The following ZKSCAN2 variants were observed in gnomAD, a reference collection of about 807,000 sequenced individuals.
ZKSCAN2 encodes zinc finger protein with KRAB and SCAN domains 2.
Under a neutral mutation model 90.5 loss-of-function variants are expected in ZKSCAN2, and 38 were observed. The ratio of observed to expected loss-of-function variants is 0.42; its 90% CI spans 0.32 to 0.55. ZKSCAN2 has a LOEUF of 0.55. Among genes scored for constraint, ZKSCAN2 ranks in the 20% least tolerant of loss-of-function variants. ZKSCAN2 has a pLI of 0.11. For synonymous variants in ZKSCAN2, 429 were observed against 421.6 expected (o/e 1.02, Z -0.22); for missense variants, 1,167 against 1,202.6 (o/e 0.97, Z 0.44).
Position 25,250,435 on chromosome 16 carries a change from A to G in ZKSCAN2, c.805+1474T>C, listed in dbSNP as rs79040213. ...ATGTGGCATCTAAAATGCTGAACTT[A>G]GAGAAAGTGAGAAGAGAACAGTGGT... On this transcript the variant is annotated intron_variant, in intron 4 of 6. Transcript: ENST00000328086. 9.0e-3 allele frequency among the ~76,000 whole-genome samples: 1,371 copies of G among 152,346 alleles called. 21 individuals carry two copies. The highest frequency in any genetic ancestry group is 0.032 in the African/African-American group (1,322 of 41,576).
At chr16:25,247,780 C>T (rs1245417662) in intron 4 of ZKSCAN2, among the ~76,000 whole-genome samples, 2 of 152,082 alleles carry the variant, frequency 1.3e-5, no homozygotes, top group African/African-American at 4.8e-5. Flanking sequence ...CCCCAACATA[C>T]ATAACATACA....
rs1216555296 is a variant in ZKSCAN2 at position 25,239,799 on chromosome 16, G to T, written c.*17C>A. The stretch of plus-strand genomic sequence containing the variant: ...GGTAAAATGGCTAAGGGGGCATTTA[G>T]GAAGAGAAGATCATCATCAAAAAGT... On this transcript the variant is annotated 3_prime_UTR_variant, in exon 7 of 7. Coordinates refer to ENST00000328086, the MANE Select transcript of ZKSCAN2 (RefSeq NM_001012981.5). The T allele has an allele frequency of 3.9e-6, 6 of 1,554,324 alleles. No individual in the cohort carries two copies. In the South Asian group the frequency reaches 7.4e-5, roughly 19 times the overall value.
rs1032184367 is a variant in ZKSCAN2 at position 25,238,640 on chromosome 16, T to G, written c.*1176A>C. The G allele has an allele frequency of 1.3e-5, 2 of 152,106 alleles. No homozygotes were observed. The highest frequency in any genetic ancestry group is 4.8e-5 in the African/African-American group (2 of 41,416). The allele number at this position is 152,106 out of a possible 1,614,324, so 9.4% of individuals were successfully genotyped here. A position where few individuals can be genotyped will look rare whatever the true frequency, so the allele number is the denominator to read the frequency against. On this transcript the variant is annotated 3_prime_UTR_variant, in exon 7 of 7. Transcript: ENST00000328086. Reference sequence around the variant, plus strand: ...AGTTACTTGGCACACTACAGTTAGGTTTCTGATGCGGTGAACAGGGACTAG... The same window carrying G: ...AGTTACTTGGCACACTACAGTTAGGGTTCTGATGCGGTGAACAGGGACTAG...
intron 4 of ZKSCAN2, among the ~76,000 whole-genome samples, 176 bp from the exon 5 acceptor site, chr16:25,247,566 C>A (rs144086349): frequency 6.6e-6 from 1 of 152,190 alleles, no homozygotes; most frequent in African/African-American, 2.4e-5. Flanking sequence ...CTAACTTACA[C>A]GATCATTTTA....
Position 25,244,028 on chromosome 16 carries a change from C to G in ZKSCAN2, c.1738G>C (p.Asp580His), listed in dbSNP as rs1188288976. The change falls in exon 6 of 7, where the codon GAT (aspartate) becomes CAT (histidine). Residue 580 changes from aspartate (D) to histidine (H), a missense_variant. Coordinates refer to ENST00000328086, the MANE Select transcript of ZKSCAN2 (RefSeq NM_001012981.5). ...LESCAFYKEMDALINSRASAP... is the reference protein window; with the variant it reads ...LESCAFYKEMHALINSRASAP... ...GATGCCCGAGAGTTAATCAGGGCAT[C>G]CATCTCCTTGTAGAACGCGCAGGAC... 2 of 1,614,046 alleles carry G rather than the reference C, an allele frequency of 1.2e-6. No homozygotes were observed. The highest frequency in any genetic ancestry group is 2.7e-5 in the African/African-American group (2 of 74,912).
Position 25,245,163 on chromosome 16 carries a change from G to A in ZKSCAN2, c.1490-887C>T, listed in dbSNP as rs528821716. The stretch of plus-strand genomic sequence containing the variant: ...TCTGTTGCCCAGGCTGGACTGCAGT[G>A]GCACAATCATGGCTCACTGAAGCCT... On this transcript the variant is annotated intron_variant, in intron 5 of 6. Transcript: ENST00000328086. Among the ~76,000 whole-genome samples, 476 of 152,286 alleles carry A rather than the reference G, an allele frequency of 3.1e-3. 1 individual carries two copies. In the Middle Eastern group the frequency reaches 0.034, roughly 11 times the overall value.
rs1434644216 is a variant in ZKSCAN2, at chr16:25,257,607, C to G, written c.-480G>C. The stretch of plus-strand genomic sequence containing the variant: ...CCGGGCTCGGGTCACCGCAGCACGT[C>G]CAGGCCGCCGCGGGTGCCGCTGGGG... On this transcript the variant is annotated 5_prime_UTR_variant, in exon 1 of 7. Transcript: ENST00000328086. The G allele has an allele frequency of 1.4e-6, 1 of 730,514 alleles. No homozygotes were observed. The highest frequency in any genetic ancestry group is 1.9e-5 in the African/African-American group (1 of 52,390). 45.3% of individuals were successfully genotyped at this position (730,514 alleles called of 1,614,324 possible).
In ZKSCAN2 at chr16:25,246,561, G is replaced by T; in HGVS notation, c.1489+146C>A. ...TGGGGGCAGCAGCAAGCACCTGAGAGTACTTCAGTGATGTGGCCACACCAC... is the reference window on the plus strand; with the variant it reads ...TGGGGGCAGCAGCAAGCACCTGAGATTACTTCAGTGATGTGGCCACACCAC... On this transcript the variant is annotated intron_variant, in intron 5 of 6. Transcript: ENST00000328086. 1.3e-6 allele frequency: 1 copy of T among 785,448 alleles called. No individual in the cohort carries two copies. The allele number at this position is 785,448 out of a possible 1,614,324, so 48.7% of individuals were successfully genotyped here.
intron 4 of ZKSCAN2, among the ~76,000 whole-genome samples, chr16:25,248,020 T>C (rs1254422856): frequency 2.0e-5 from 3 of 152,116 alleles, no homozygotes; most frequent in African/African-American, 4.8e-5. Context: ...TTTCAACAAA[T>C]GGTGCTCGGA....
chr16:25,247,248 G>C lies in ZKSCAN2; in HGVS notation c.948C>G (p.Val316=). 1.9e-6 allele frequency: 3 copies of C among 1,614,154 alleles called. No homozygotes were observed. Among genetic ancestry groups the C allele is most frequent in the Non-Finnish European group, 2.5e-6 (3 of 1,180,034 alleles). The change falls in exon 5 of 7, where the codon GTC becomes GTG. Residue 316 remains valine, a synonymous_variant. Coordinates refer to ENST00000328086, the MANE Select transcript of ZKSCAN2 (RefSeq NM_001012981.5). ...ATGTTTTTCCTGCACTCCTTGCAGG[G>C]ACCTGAATAGCATGAACTGACTTTT... ...VKEKSVHAIQ[V]PARSAGKTWR...
At chr16:25,243,478 G>A (rs911918273) in intron 6 of ZKSCAN2, among the ~76,000 whole-genome samples, 4 of 152,086 alleles carry the variant, frequency 2.6e-5, no homozygotes, top group African/African-American at 7.2e-5. Flanking sequence ...ACAGGTGCCC[G>A]CCACCACACC....
chr16:25,253,439 CCTCTCTCTCT>C (rs151086073), intron 2 of ZKSCAN2, among the ~76,000 whole-genome samples: 10 of 144,570 alleles, frequency 6.9e-5, no homozygotes, highest in South Asian at 2.2e-4. Flanking sequence ...TTTCTCCCTT[CCTCTCTCTCT>C]CTCTCTCTCT....
intron 3 of ZKSCAN2, 101 bp downstream of exon 3, chr16:25,252,845 G>T (rs1963041171): frequency 1.4e-5 from 13 of 926,760 alleles, no homozygotes; most frequent in Admixed American, 8.7e-5. Flanking sequence ...AACCCAGGAG[G>T]CAGAGGTGGT....
chr16:25,240,658 C>T lies in ZKSCAN2; in HGVS notation c.2062G>A (p.Glu688Lys). Reference protein sequence around the residue: ...KDMEQHRALIEKSKRVVSQST... With the variant: ...KDMEQHRALIKKSKRVVSQST... ...TGGGAAACAACTCTTTTAGACTTTT[C>T]TATTAATGCCCTATGCTGTTCCATG... Residue 688 changes from glutamate (E) to lysine (K), a missense_variant, in exon 7 of 7, where the codon GAA becomes AAA. Transcript: ENST00000328086. 2 of 1,614,168 alleles carry T rather than the reference C, an allele frequency of 1.2e-6. No individual in the cohort carries two copies. The highest frequency in any genetic ancestry group is 1.7e-5 in the Admixed American group (1 of 60,018).
intron 2 of ZKSCAN2, 27 bp from the exon 3 acceptor site, chr16:25,253,064 T>A: frequency 6.4e-7 from 1 of 1,568,022 alleles, no homozygotes; most frequent in Non-Finnish European, 8.8e-7. Context: ...AAACGATTAG[T>A]AATCTGGGCT....
chr16:25,257,802 G>C lies in ZKSCAN2; in HGVS notation c.-675C>G, dbSNP rs1468885516. 1 of 152,228 alleles carries C rather than the reference G, an allele frequency of 6.6e-6. No homozygotes were observed. The highest frequency in any genetic ancestry group is 2.1e-4 in the South Asian group (1 of 4,840). 9.4% of individuals were successfully genotyped at this position (152,228 alleles called of 1,614,324 possible). ...CAGGGGGCAGCGGCAGGCTGCTCGC[G>C]TTCGGCCTCGTCCACTCGGCCCGCG... On this transcript the variant is annotated 5_prime_UTR_variant, in exon 1 of 7. Transcript: ENST00000328086.
chr16:25,240,684 T>A lies in ZKSCAN2; in HGVS notation c.2036A>T (p.Asp679Val). 3.1e-6 allele frequency: 5 copies of A among 1,614,230 alleles called. No homozygotes were observed. Among genetic ancestry groups the A allele is most frequent in the Non-Finnish European group, 4.2e-6 (5 of 1,180,026 alleles). The change falls in exon 7 of 7, where the codon GAC becomes GTC. Residue 679 changes from aspartate (D) to valine (V), a missense_variant. Asp to Val is a radical substitution (Grantham distance 152, BLOSUM62 -3). Coordinates refer to ENST00000328086, the MANE Select transcript of ZKSCAN2 (RefSeq NM_001012981.5). ...KEDPTQIVYK[D>V]MEQHRALIEK... is the part of the protein sequence containing the mutation. ...TATTAATGCCCTATGCTGTTCCATG[T>A]CCTTATATACTATCTGTGTTGGATC... is the stretch of plus-strand genomic sequence containing the variant.
intron 6 of ZKSCAN2, 130 bp from the exon 7 acceptor site, chr16:25,240,868 A>C (rs1013824189): frequency 2.9e-6 from 2 of 691,874 alleles, no homozygotes; most frequent in African/African-American, 1.8e-5. Flanking sequence ...CTCTTCCCTG[A>C]TTCATTCTGC....
rs1963121128 is a variant in ZKSCAN2 at position 25,257,289 on chromosome 16, T to C, written c.-162A>G. ...ATTCCAGGCTGATTAATCAAATCTA[T>C]GCCAGGCCCTTGAAAAGGTGAACGT... On this transcript the variant is annotated 5_prime_UTR_variant, in exon 1 of 7. Transcript: ENST00000328086. 2 of 1,441,142 alleles carry C rather than the reference T, an allele frequency of 1.4e-6. No homozygotes were observed. Among genetic ancestry groups the C allele is most frequent in the South Asian group, 3.1e-5 (2 of 65,294 alleles). 89.3% of individuals were successfully genotyped at this position (1,441,142 alleles called of 1,614,324 possible).
Sources: allele counts gnomAD v4.1 joint callset (sites outside exome capture counted in the v4.1 genomes callset), GRCh38; gene constraint gnomAD v4.1.1; transcripts MANE v1.5; gene names NCBI Gene and HGNC (gene_info 2026-07-23, HGNC 2026-07-21).